Variants in NT5DC2 observed in about 807,000 individuals in gnomAD.
The protein encoded by NT5DC2 is 5'-nucleotidase domain containing 2, also known as 5'-nucleotidase domain-containing protein 2.
A neutral mutation model predicts 70.0 loss-of-function variants in NT5DC2; 41 were observed. The ratio of observed to expected loss-of-function variants is 0.59; its 90% CI spans 0.46 to 0.76. The LOEUF (loss-of-function observed/expected upper bound fraction) is 0.76. Among genes scored for constraint, NT5DC2 ranks in the 30% least tolerant of loss-of-function variants. NT5DC2 has a pLI of 0.00. For synonymous variants in NT5DC2, 299 were observed against 310.4 expected (o/e 0.96, Z 0.39); for missense variants, 705 against 783.2 (o/e 0.90, Z 1.19).
At position 52,527,689 on chromosome 3, in the gene NT5DC2, G is replaced by A. The variant is rs371889731; in HGVS notation, c.965C>T (p.Pro322Leu). 16 of 1,613,244 alleles carry A rather than the reference G, an allele frequency of 9.9e-6. No individual in the cohort carries two copies. The highest frequency in any genetic ancestry group is 9.9e-5 in the South Asian group (9 of 91,066). ...VDKGMRHMVG[P>L]DWRQLFDVVI... ...CACATCGAAGAGCTGGCGCCAATCGGGACCCACCATGTGCCGCATCCCCTT... is the reference window on the plus strand; with the variant it reads ...CACATCGAAGAGCTGGCGCCAATCGAGACCCACCATGTGCCGCATCCCCTT... Residue 322 changes from proline (P) to leucine (L), a missense_variant, in exon 9 of 14, where the codon CCC (proline) becomes CTC (leucine). Transcript: ENST00000422318.
At chr3:52,534,688 G>A (rs367757629), upstream of NT5DC2, 1 of 1,578,940 alleles carries the variant, frequency 6.3e-7, no homozygotes, top group Admixed American at 1.7e-5. Flanking sequence ...GAGCCCGCAC[G>A]CATACCAGGC....
rs2153236317 is a variant in NT5DC2 at position 52,527,906 on chromosome 3, C to T, written c.858G>A (p.Glu286=). The part of the protein sequence containing the change: ...DMEKYILRGD[E]TFAVLSRLVA... The stretch of plus-strand genomic sequence containing the variant: ...CCAGGCGGCTCAGGACAGCAAACGT[C>T]TCATCCCCTCTCAGGATGTACTTCT... The change falls in exon 8 of 14, where the codon GAG becomes GAA. Residue 286 remains glutamate (E), a synonymous_variant. Coordinates refer to ENST00000422318, the MANE Select transcript of NT5DC2 (RefSeq NM_001134231.2). 1.2e-6 allele frequency: 2 copies of T among 1,613,584 alleles called. No homozygotes were observed. The highest frequency in any genetic ancestry group is 1.7e-6 in the Non-Finnish European group (2 of 1,180,036).
upstream of NT5DC2, chr3:52,534,393 A>C (rs1314664752): frequency 7.1e-7 from 1 of 1,401,850 alleles, no homozygotes; most frequent in Non-Finnish European, 9.9e-7. Flanking sequence ...TCCCGGTGCC[A>C]GGCCCACGCT....
chr3:52,530,127 A>T (rs2079339660), intron 1 of NT5DC2, among the ~76,000 whole-genome samples: 1 of 152,246 alleles, frequency 6.6e-6, no homozygotes, highest in South Asian at 2.1e-4. Flanking sequence ...CCATATAATG[A>T]CATTTGCTGG....
chr3:52,533,535 C>G lies in NT5DC2; in HGVS notation c.203G>C (p.Arg68Pro). Reference protein sequence around the residue: ...GADLSAHLWARYQDMRRLVHD... With the variant: ...GADLSAHLWAPYQDMRRLVHD... ...CACCAGTCTCCGCATGTCCTGGTAGCGAGCCCATAGGTGCGCGCTGAGGTC... is the reference window on the plus strand; with the variant it reads ...CACCAGTCTCCGCATGTCCTGGTAGGGAGCCCATAGGTGCGCGCTGAGGTC... Residue 68 changes from arginine to proline, a missense_variant, in exon 1 of 14, where the codon CGC becomes CCC. Coordinates refer to ENST00000422318, the MANE Select transcript of NT5DC2 (RefSeq NM_001134231.2). The G allele has an allele frequency of 2.8e-6, 4 of 1,447,732 alleles. No homozygotes were observed. Among genetic ancestry groups the G allele is most frequent in the Non-Finnish European group, 3.6e-6 (4 of 1,101,628 alleles). 89.7% of individuals were successfully genotyped at this position (1,447,732 alleles called of 1,614,324 possible). A position where few individuals can be genotyped will look rare whatever the true frequency, so the allele number is the denominator to read the frequency against.
intron 10 of NT5DC2, 104 bp from the exon 11 acceptor site, chr3:52,525,399 T>C: frequency 1.2e-6 from 1 of 833,850 alleles, no homozygotes. Context: ...GGATGCTGGC[T>C]GCCCTTTCCC....
chr3:52,529,415 A>T lies in NT5DC2; in HGVS notation c.233-81T>A. 7.2e-7 allele frequency: 1 copy of T among 1,388,080 alleles called. No homozygotes were observed. Among genetic ancestry groups the T allele is most frequent in the Non-Finnish European group, 1.0e-6 (1 of 1,003,436 alleles). The allele number at this position is 1,388,080 out of a possible 1,614,324, so 86.0% of individuals were successfully genotyped here. On this transcript the variant is annotated intron_variant, in intron 1 of 13. Coordinates refer to ENST00000422318, the MANE Select transcript of NT5DC2 (RefSeq NM_001134231.2). The surrounding 1 kb of genome is among the most constrained non-coding windows in gnomAD (Gnocchi z 4.1). ...TATGGCTCCTGAGCACTCTGTGGGGACCTAGCCCTGTGAGCCTCAGAAACG... is the reference window on the plus strand; with the variant it reads ...TATGGCTCCTGAGCACTCTGTGGGGTCCTAGCCCTGTGAGCCTCAGAAACG...
Position 52,531,981 on chromosome 3 carries a change from T to C in NT5DC2, c.232+1525A>G, listed in dbSNP as rs1344777739. ...ACCGGGGTTGAGATCACCATTCAAG[T>C]CACCCCACCTGCATTAATCACTCTG... On this transcript the variant is annotated intron_variant, in intron 1 of 13. Transcript: ENST00000422318. This position sits in a 1 kb window ranked among gnomAD's most constrained non-coding sequence, Gnocchi z 4.1. Among the ~76,000 whole-genome samples the C allele has an allele frequency of 5.3e-5, 8 of 152,094 alleles. No homozygotes were observed. The highest frequency in any genetic ancestry group is 1.0e-4 in the Non-Finnish European group (7 of 68,010).
chr3:52,533,932 C>A (rs1327728118), upstream of NT5DC2: 1 of 600,546 alleles, frequency 1.7e-6, no homozygotes, highest in Admixed American at 6.4e-5. Context: ...CCGGACCCGG[C>A]GGGGCGGGGC....
chr3:52,530,929 T>C (rs2079351086), intron 1 of NT5DC2, among the ~76,000 whole-genome samples: 1 of 152,162 alleles, frequency 6.6e-6, no homozygotes, highest in Non-Finnish European at 1.5e-5. Flanking sequence ...GTACATCTAG[T>C]ACCCCTGCCT....
rs1009902625 is a variant in NT5DC2 at position 52,531,609 on chromosome 3, C to G, written c.232+1897G>C. Among the ~76,000 whole-genome samples the G allele has an allele frequency of 6.9e-6, 1 of 145,718 alleles. No homozygotes were observed. The highest frequency in any genetic ancestry group is 2.0e-4 in the East Asian group (1 of 4,950). On this transcript the variant is annotated intron_variant, in intron 1 of 13. Coordinates refer to ENST00000422318, the MANE Select transcript of NT5DC2 (RefSeq NM_001134231.2). This position sits in a 1 kb window ranked among gnomAD's most constrained non-coding sequence, Gnocchi z 4.1. ...AGGGCCTGGTGGCCTGGCCTGATTT[C>G]TAGACTAGAAGAACCTTGGCTCTGG...
intron 9 of NT5DC2, 25 bp from the exon 10 acceptor site, chr3:52,527,400 C>T: frequency 1.9e-6 from 3 of 1,612,336 alleles, no homozygotes; most frequent in Non-Finnish European, 2.5e-6. Flanking sequence ...AAGGGCATGA[C>T]TTCCAGTCTG....
At position 52,524,804 on chromosome 3, in the gene NT5DC2, C is replaced by CCCACCTGCTCACCTCAGCT; in HGVS notation, c.1406_1412+12dup. The CCCACCTGCTCACCTCAGCT allele has an allele frequency of 1.2e-6, 2 of 1,612,518 alleles. No homozygotes were observed. Among genetic ancestry groups the CCCACCTGCTCACCTCAGCT allele is most frequent in the Non-Finnish European group, 1.7e-6 (2 of 1,179,986 alleles). ...GCTTGGCTGGGACTCCTGCCCTGGC[C>CCCACCTGCTCACCTCAGCT]CCACCTGCTCACCTCAGCTCCTGCC... On this transcript the variant is annotated intron_variant, in intron 13 of 13. Transcript: ENST00000422318.
chr3:52,534,479 G>T, upstream of NT5DC2: 1 of 1,611,296 alleles, frequency 6.2e-7, no homozygotes, highest in Non-Finnish European at 8.5e-7. Flanking sequence ...CAGGGTTGTG[G>T]GCCACGGTCA....
At chr3:52,533,911 G>A (rs2079396301), upstream of NT5DC2, 3 of 876,506 alleles carry the variant, frequency 3.4e-6, no homozygotes, top group South Asian at 5.2e-5. Context: ...CGGCCCGGGG[G>A]GCGGGAGGCC....
rs913860271 is a variant in NT5DC2, at chr3:52,527,560, T to C, written c.1037+57A>G. Reference sequence around the variant, plus strand: ...TTGGCCTCCTGCTTCAGTCCCCTCATTGGGGTGGGGCCTCTATTCCCCTTC... The same window carrying C: ...TTGGCCTCCTGCTTCAGTCCCCTCACTGGGGTGGGGCCTCTATTCCCCTTC... On this transcript the variant is annotated intron_variant, in intron 9 of 13. Transcript: ENST00000422318. The C allele has an allele frequency of 5.1e-6, 8 of 1,577,246 alleles. No individual in the cohort carries two copies. In the African/African-American group the frequency reaches 6.7e-5, roughly 13 times the overall value.
Position 52,533,532 on chromosome 3 carries a change from T to A in NT5DC2, c.206A>T (p.Tyr69Phe). ...GTGCACCAGTCTCCGCATGTCCTGGTAGCGAGCCCATAGGTGCGCGCTGAG... is the reference window on the plus strand; with the variant it reads ...GTGCACCAGTCTCCGCATGTCCTGGAAGCGAGCCCATAGGTGCGCGCTGAG... ...ADLSAHLWAR[Y>F]QDMRRLVHDL... The change falls in exon 1 of 14, where the codon TAC (tyrosine) becomes TTC (phenylalanine). Residue 69 changes from tyrosine (Y) to phenylalanine (F), a missense_variant. Physicochemically the swap from Tyr to Phe is conservative, Grantham distance 22. Transcript: ENST00000422318. 6.9e-7 allele frequency: 1 copy of A among 1,450,210 alleles called. No homozygotes were observed. 89.8% of individuals were successfully genotyped at this position (1,450,210 alleles called of 1,614,324 possible).
chr3:52,527,736 A>G lies in NT5DC2; in HGVS notation c.936-18T>C. The G allele has an allele frequency of 1.2e-6, 2 of 1,612,992 alleles. No individual in the cohort carries two copies. Among genetic ancestry groups the G allele is most frequent in the Middle Eastern group, 3.3e-4 (2 of 6,060 alleles). On this transcript the variant is annotated intron_variant, in intron 8 of 13. Transcript: ENST00000422318. ...CCTTGTCTCTGTGTGGAGGAGTTTCAGGTGGCAAGTAGTCTGAGGGCGGCT... is the reference window on the plus strand; with the variant it reads ...CCTTGTCTCTGTGTGGAGGAGTTTCGGGTGGCAAGTAGTCTGAGGGCGGCT...
In NT5DC2 at chr3:52,527,668, T is replaced by A; in HGVS notation, c.986A>T (p.Asp329Val). 4 of 1,613,166 alleles carry A rather than the reference T, an allele frequency of 2.5e-6. No homozygotes were observed. Among genetic ancestry groups the A allele is most frequent in the Non-Finnish European group, 3.4e-6 (4 of 1,180,014 alleles). The change falls in exon 9 of 14, where the codon GAT (aspartate) becomes GTT (valine). Residue 329 changes from aspartate to valine, a missense_variant. Coordinates refer to ENST00000422318, the MANE Select transcript of NT5DC2 (RefSeq NM_001134231.2). ...CTTGTCTGCCTGGACAATGACCACATCGAAGAGCTGGCGCCAATCGGGACC... is the reference window on the plus strand; with the variant it reads ...CTTGTCTGCCTGGACAATGACCACAACGAAGAGCTGGCGCCAATCGGGACC... The part of the protein sequence containing the change: ...MVGPDWRQLF[D>V]VVIVQADKPS...
Sources: gnomAD v4.1 joint callset for allele counts (sites outside exome capture counted in the v4.1 genomes callset) on GRCh38, gnomAD v4.1.1 for gene constraint, Gnocchi (gnomAD v3.1) non-coding constraint, MANE v1.5 for transcripts, NCBI Gene and HGNC (gene_info 2026-07-23, HGNC 2026-07-21) for gene names.